The following PCDHGA6 variants were observed in gnomAD, a reference collection of about 807,000 sequenced individuals.
The protein encoded by PCDHGA6 is protocadherin gamma subfamily A, 6, also known as protocadherin gamma-A6.
PCDHGA6 carries 41 observed loss-of-function variants against 60.6 expected under a neutral mutation model. That is an observed-to-expected ratio of 0.68 (90% CI 0.53 to 0.88). The LOEUF (loss-of-function observed/expected upper bound fraction) is 0.88. Among genes scored for constraint, PCDHGA6 ranks in the 40% least tolerant of loss-of-function variants. PCDHGA6 has a pLI of 0.00. For missense variants in PCDHGA6, 1,312 were observed against 1,203.0 expected (o/e 1.09, Z -1.34); for synonymous variants, 594 against 524.4 (o/e 1.13, Z -1.81).
chr5:141,500,367 C>A (rs953610460), intron 2 of PCDHGA6, among the ~76,000 whole-genome samples: 7 of 151,940 alleles, frequency 4.6e-5, no homozygotes, highest in African/African-American at 1.7e-4. Context: ...CACTACCACG[C>A]CCGGCTAATT....
intron 1 of PCDHGA6, among the ~76,000 whole-genome samples, chr5:141,446,356 A>G (rs73280911): frequency 0.088 from 13,411 of 152,284 alleles, 771 homozygotes; most frequent in African/African-American, 0.16. Flanking sequence ...CTACCATTTG[A>G]TGAGAATGGA....
rs532631149 is a variant in PCDHGA6, at chr5:141,506,489, C to A, written c.2572+1008C>A. On this transcript the variant is annotated intron_variant, in intron 3 of 3. Transcript: ENST00000517434. ...AAGAGCACAGGCTTTAGAGGCAGGC[C>A]AATCTGGATTCAAATCCTGGCACCT... 1.9e-4 allele frequency among the ~76,000 whole-genome samples: 29 copies of A among 150,750 alleles called. 1 individual carries two copies. In the South Asian group the frequency reaches 5.9e-3, roughly 31 times the overall value.
At chr5:141,481,560 G>A (rs1594155886) in intron 1 of PCDHGA6, among the ~76,000 whole-genome samples, 1 of 152,212 alleles carries the variant, frequency 6.6e-6, no homozygotes, top group Non-Finnish European at 1.5e-5. Flanking sequence ...GCTCACGCCT[G>A]TAATCCCAGT....
chr5:141,507,861 C>G (rs538942097), intron 3 of PCDHGA6, among the ~76,000 whole-genome samples: 6 of 152,306 alleles, frequency 3.9e-5, no homozygotes, highest in South Asian at 4.1e-4. Flanking sequence ...CTTTCACACC[C>G]GCTTCCTAGC....
intron 1 of PCDHGA6, chr5:141,383,792 CA>C: frequency 6.2e-7 from 1 of 1,613,914 alleles, no homozygotes; most frequent in Non-Finnish European, 8.5e-7. Context: ...AACTCGCTTA[CA>C]GGAGAAATAT....
At position 141,489,760 on chromosome 5, in the gene PCDHGA6, C is replaced by A; in HGVS notation, c.2425-5047C>A. 1 of 1,614,086 alleles carries A rather than the reference C, an allele frequency of 6.2e-7. No individual in the cohort carries two copies. Among genetic ancestry groups the A allele is most frequent in the Non-Finnish European group, 8.5e-7 (1 of 1,179,970 alleles). On this transcript the variant is annotated intron_variant, in intron 1 of 3. Coordinates refer to ENST00000517434, the MANE Select transcript of PCDHGA6 (RefSeq NM_018919.3). This position sits in a 1 kb window ranked among gnomAD's most constrained non-coding sequence, Gnocchi z 4.5. ...TACTGTGAGCTTTTACACTCTAAGC[C>A]CCAACAGCCACTTCTCTCTGAATGT...
intron 1 of PCDHGA6, chr5:141,384,782 C>G (rs746906389): frequency 6.2e-7 from 1 of 1,613,642 alleles, no homozygotes; most frequent in Non-Finnish European, 8.5e-7. Flanking sequence ...GAGGTGCGCA[C>G]GGCTCGGGCC....
Position 141,486,032 on chromosome 5 carries a change from G to C in PCDHGA6, c.2425-8775G>C, listed in dbSNP as rs560909128. The C allele has an allele frequency of 1.2e-6, 2 of 1,614,166 alleles. No individual in the cohort carries two copies. Among genetic ancestry groups the C allele is most frequent in the African/African-American group, 2.7e-5 (2 of 75,034 alleles). On this transcript the variant is annotated intron_variant, in intron 1 of 3. Transcript: ENST00000517434. This position sits in a 1 kb window ranked among gnomAD's most constrained non-coding sequence, Gnocchi z 5.0. ...CTTTTATTTCAGTGGTCATACCCCT[G>C]ATCGTGTAAGAAACCTCTTTAGCCT... is the stretch of plus-strand genomic sequence containing the variant.
chr5:141,492,091 C>G (rs930375969), intron 1 of PCDHGA6, among the ~76,000 whole-genome samples: 5 of 152,242 alleles, frequency 3.3e-5, no homozygotes, highest in Non-Finnish European at 5.9e-5. Flanking sequence ...CACGCTTCGC[C>G]GGTCTGTAGA....
chr5:141,384,283 G>A (rs762515266), intron 1 of PCDHGA6: 1 of 1,613,762 alleles, frequency 6.2e-7, no homozygotes. Context: ...AGTCTACATC[G>A]CTGAGAACAA....
intron 1 of PCDHGA6, among the ~76,000 whole-genome samples, chr5:141,454,829 A>T (rs2098803417): frequency 1.4e-5 from 1 of 70,192 alleles, no homozygotes. Context: ...TTTTTTTGAG[A>T]CAGAGTCGCG....
chr5:141,410,897 A>G (rs1276742953), intron 1 of PCDHGA6: 1 of 273,412 alleles, frequency 3.7e-6, no homozygotes, highest in African/African-American at 3.4e-5. Flanking sequence ...ACTGTTGCCT[A>G]GGCTGGAGTG....
At chr5:141,398,611 A>G (rs2093677658) in intron 1 of PCDHGA6, 4 of 1,613,944 alleles carry the variant, frequency 2.5e-6, no homozygotes, top group African/African-American at 1.3e-5. Context: ...AGATGCAGAT[A>G]TTGGCTTAAA....
At chr5:141,426,896 C>A in intron 1 of PCDHGA6, 1 of 456,782 alleles carries the variant, frequency 2.2e-6, no homozygotes, top group Non-Finnish European at 4.4e-6. Context: ...AGCAACAGAG[C>A]TCTCATCTCC....
intron 1 of PCDHGA6, chr5:141,393,217 T>C (rs760159490): frequency 1.2e-6 from 2 of 1,613,564 alleles, no homozygotes; most frequent in Admixed American, 3.3e-5. Flanking sequence ...AAATTCCAGG[T>C]CGAAGATCTA....
intron 1 of PCDHGA6, among the ~76,000 whole-genome samples, chr5:141,401,525 G>A (rs1055771013): frequency 6.6e-6 from 1 of 152,096 alleles, no homozygotes; most frequent in Non-Finnish European, 1.5e-5. Flanking sequence ...ATTACCAGAA[G>A]AAACTTACAA....
At chr5:141,478,816 A>G in intron 1 of PCDHGA6, 1 of 1,450,826 alleles carries the variant, frequency 6.9e-7, no homozygotes, top group Non-Finnish European at 9.1e-7. Context: ...TATCACAACT[A>G]ACCAATCTTG....
intron 1 of PCDHGA6, among the ~76,000 whole-genome samples, chr5:141,444,497 C>G (rs899746599): frequency 3.3e-5 from 5 of 152,026 alleles, no homozygotes; most frequent in African/African-American, 1.2e-4. Context: ...TTGTGTAATA[C>G]TTTGCTCTAG....
chr5:141,383,170 G>A (rs1453801684), intron 1 of PCDHGA6: 2 of 1,614,008 alleles, frequency 1.2e-6, no homozygotes, highest in African/African-American at 2.7e-5. Flanking sequence ...GGGCAGGATA[G>A]ACCGGGAAGA....
Sources: gnomAD v4.1 joint callset for allele counts (sites outside exome capture counted in the v4.1 genomes callset) on GRCh38, gnomAD v4.1.1 for gene constraint, Gnocchi (gnomAD v3.1) non-coding constraint, MANE v1.5 for transcripts, NCBI Gene and HGNC (gene_info 2026-07-23, HGNC 2026-07-21) for gene names.